The following ANAPC1 variants were observed in gnomAD, a reference collection of about 807,000 sequenced individuals.
The protein encoded by ANAPC1 is anaphase-promoting complex subunit 1.
ANAPC1 carries 36 observed loss-of-function variants against 208.0 expected under a neutral mutation model. The ratio of observed to expected loss-of-function variants is 0.17; its 90% CI spans 0.13 to 0.23. ANAPC1 has a LOEUF of 0.23. Ranked by LOEUF, ANAPC1 falls within the 10% of genes least tolerant of loss-of-function variation. ANAPC1 has a pLI of 1.00. For synonymous variants in ANAPC1, 378 were observed against 695.2 expected, an observed-to-expected ratio of 0.54 and a Z score of 7.18; for missense variants, 942 against 2,011.6, an observed-to-expected ratio of 0.47 and a Z score of 10.17.
At chr2:111,867,396 G>C (rs1682487362) in intron 7 of ANAPC1, among the ~76,000 whole-genome samples, 1 of 151,006 alleles carries the variant, frequency 6.6e-6, no homozygotes, top group East Asian at 2.0e-4. Flanking sequence ...ACATAATACA[G>C]AAGATAAAAA....
At position 111,868,498 on chromosome 2, in the gene ANAPC1, A is replaced by G. The variant is rs1682558096; in HGVS notation, c.612-402T>C. Among the ~76,000 whole-genome samples, 3 of 152,170 alleles carry G rather than the reference A, an allele frequency of 2.0e-5. No homozygotes were observed. In the South Asian group the frequency reaches 6.2e-4, roughly 32 times the overall value. ...GCTGACAAAGGAATGCATTTTTTAA[A>G]AAAGGAAGAAACAAACTACTTCAAG... On this transcript the variant is annotated intron_variant, in intron 6 of 47. Transcript: ENST00000341068.
chr2:111,876,266 A>C (rs1301169754), intron 3 of ANAPC1, among the ~76,000 whole-genome samples: 3 of 130,200 alleles, frequency 2.3e-5, no homozygotes, highest in Admixed American at 8.2e-5. Context: ...TAAAAAGAAC[A>C]ACCAAAAAAA....
chr2:111,873,285 C>CCG (rs1350177796), intron 5 of ANAPC1, 23 bp downstream of exon 5: 3 of 1,578,108 alleles, frequency 1.9e-6, no homozygotes, highest in Non-Finnish European at 2.6e-6. Context: ...AAAACCCCCC[C>CCG]AAAATTTGAA....
intron 29 of ANAPC1, 143 bp from the exon 30 acceptor site, chr2:111,806,036 A>G (rs1678657499): frequency 3.6e-6 from 2 of 551,328 alleles, no homozygotes; most frequent in Non-Finnish European, 6.6e-6. Context: ...ACTATAATAA[A>G]TGGTGTCCAC....
chr2:111,879,199 T>C (rs1683171126), intron 2 of ANAPC1, among the ~76,000 whole-genome samples: 1 of 152,214 alleles, frequency 6.6e-6, no homozygotes. Flanking sequence ...TATTCCTCTA[T>C]ATTACTCTGC....
Position 111,844,339 on chromosome 2 carries a change from C to T in ANAPC1, c.1853-740G>A, listed in dbSNP as rs1044756398. On this transcript the variant is annotated intron_variant, in intron 16 of 47. Transcript: ENST00000341068. ...ATCTAAGCACTTTGCGAGGTCAAGG[C>T]GGGTGGATCACCTGAGGTCAGGAGT... is the stretch of plus-strand genomic sequence containing the variant. 2.1e-3 allele frequency among the ~76,000 whole-genome samples: 322 copies of T among 151,346 alleles called. 1 individual carries two copies. Among genetic ancestry groups the T allele is most frequent in the African/African-American group, 7.2e-3 (298 of 41,296 alleles).
At chr2:111,831,798 G>A (rs112132328) in intron 20 of ANAPC1, among the ~76,000 whole-genome samples, 4,215 of 120,066 alleles carry the variant, frequency 0.035, 149 homozygotes, top group Middle Eastern at 0.11. Context: ...CCGAGATCAC[G>A]CCTAAGAGAC....
rs546209473 is a variant in ANAPC1, at chr2:111,813,296, C to T, written c.3597+2074G>A. 2.1e-5 allele frequency among the ~76,000 whole-genome samples: 3 copies of T among 142,602 alleles called. No homozygotes were observed. In the South Asian group the frequency reaches 7.2e-4, roughly 34 times the overall value. The allele number at this position is 142,602 out of a possible 152,430, so 93.6% of individuals were successfully genotyped here. A position where few individuals can be genotyped will look rare whatever the true frequency, so the allele number is the denominator to read the frequency against. ...AATCCCTTAGCTGTACCTAGGGAGA[C>T]CTTTCGTTTACCTATGCCTTTTTAA... On this transcript the variant is annotated intron_variant, in intron 28 of 47. Coordinates refer to ENST00000341068, the MANE Select transcript of ANAPC1 (RefSeq NM_022662.4).
chr2:111,823,273 T>C (rs1209869148), intron 24 of ANAPC1, among the ~76,000 whole-genome samples: 2 of 152,022 alleles, frequency 1.3e-5, no homozygotes, highest in South Asian at 2.1e-4. Context: ...CGCCTCGGCC[T>C]CCCAAAGTGC....
chr2:111,827,388 T>G (rs1207849356), intron 21 of ANAPC1, among the ~76,000 whole-genome samples: 1 of 152,232 alleles, frequency 6.6e-6, no homozygotes, highest in Non-Finnish European at 1.5e-5. Context: ...GTTATCTCAC[T>G]TCCTTCCTTT....
chr2:111,854,318 G>A lies in ANAPC1; in HGVS notation c.1515+2296C>T, dbSNP rs190342964. Among the ~76,000 whole-genome samples, 159 of 152,290 alleles carry A rather than the reference G, an allele frequency of 1.0e-3. 10 individuals carry two copies. The highest frequency in any genetic ancestry group is 1.3e-3 in the Admixed American group (20 of 15,306). ...AGTAAACCATGCTATAAACAGGTGT[G>A]CTGGCATCCAGTCTTTGTTACTCCA... On this transcript the variant is annotated intron_variant, in intron 13 of 47. Transcript: ENST00000341068.
At chr2:111,860,359 T>G (rs1428603545) in intron 10 of ANAPC1, among the ~76,000 whole-genome samples, 3 of 150,050 alleles carry the variant, frequency 2.0e-5, no homozygotes, top group African/African-American at 7.4e-5. Flanking sequence ...AATTTTATTA[T>G]AGTTCAGCAA....
chr2:111,848,756 G>A (rs1235215363), intron 14 of ANAPC1, among the ~76,000 whole-genome samples: 1 of 149,488 alleles, frequency 6.7e-6, no homozygotes, highest in Non-Finnish European at 1.5e-5. Flanking sequence ...CAGCCTAGAT[G>A]ACAGGGCAAG....
At chr2:111,875,094 T>C (rs1682953370) in intron 3 of ANAPC1, among the ~76,000 whole-genome samples, 2 of 152,220 alleles carry the variant, frequency 1.3e-5, no homozygotes, top group East Asian at 1.9e-4. Context: ...CAACATTTGT[T>C]ATGTTTCTTT....
At chr2:111,865,624 T>C (rs1432555543) in intron 7 of ANAPC1, among the ~76,000 whole-genome samples, 2 of 152,218 alleles carry the variant, frequency 1.3e-5, no homozygotes, top group African/African-American at 2.4e-5. Flanking sequence ...TAGAGAATTT[T>C]TGGTTTTTTT....
chr2:111,827,650 G>A (rs947241881), intron 21 of ANAPC1, among the ~76,000 whole-genome samples: 4 of 152,096 alleles, frequency 2.6e-5, no homozygotes, highest in African/African-American at 7.2e-5. Context: ...AGCTACTCAG[G>A]AGGCCGAGGT....
intron 1 of ANAPC1, among the ~76,000 whole-genome samples, chr2:111,882,562 T>C (rs1333569096): frequency 6.6e-6 from 1 of 150,564 alleles, no homozygotes; most frequent in Non-Finnish European, 1.5e-5. Context: ...AAACCCTGTC[T>C]CTACTAAAAA....
In ANAPC1 at chr2:111,864,828, G is replaced by C. The variant is rs1682315382; in HGVS notation, c.809C>G (p.Thr270Ser). ...DAVQNVHSVWTLRRVKSEEEN... is the reference protein window; with the variant it reads ...DAVQNVHSVWSLRRVKSEEEN... Reference sequence around the variant, plus strand: ...TACCTCTGATTTGACTCTCCGGAGAGTCCACACAGAATGCACATTTTGAAC... The same window carrying C: ...TACCTCTGATTTGACTCTCCGGAGACTCCACACAGAATGCACATTTTGAAC... The change falls in exon 8 of 48, where the codon ACT (threonine) becomes AGT (serine). Residue 270 changes from threonine to serine, a missense_variant. Thr to Ser is a moderately conservative substitution (Grantham distance 58, BLOSUM62 1). Coordinates refer to ENST00000341068, the MANE Select transcript of ANAPC1 (RefSeq NM_022662.4). The C allele has an allele frequency of 6.2e-7, 1 of 1,611,438 alleles. No individual in the cohort carries two copies. Among genetic ancestry groups the C allele is most frequent in the African/African-American group, 1.3e-5 (1 of 74,820 alleles).
At chr2:111,842,625 A>G (rs1051704807) in intron 17 of ANAPC1, among the ~76,000 whole-genome samples, 6 of 149,140 alleles carry the variant, frequency 4.0e-5, no homozygotes, top group African/African-American at 1.5e-4. Flanking sequence ...CCTGGGCGAC[A>G]GAGCGACATT....
Sources: gnomAD v4.1 joint callset for allele counts (sites outside exome capture counted in the v4.1 genomes callset) on GRCh38, gnomAD v4.1.1 for gene constraint, MANE v1.5 for transcripts, NCBI Gene and HGNC (gene_info 2026-07-23, HGNC 2026-07-21) for gene names.